NTRK2: variants seen among roughly 807,000 people sequenced by gnomAD.
The protein encoded by NTRK2 is neurotrophic receptor tyrosine kinase 2, also known as BDNF/NT-3 growth factors receptor.
In NTRK2, 13 loss-of-function variants were observed where a neutral mutation model predicts 94.5. The observed-to-expected ratio is 0.14, with a 90% CI of 0.09 to 0.22. The LOEUF is 0.22. NTRK2 is among the 10% of genes least tolerant of loss of function. The probability of loss-of-function intolerance (pLI) is 1.00; values close to 1 mark genes in which losing one functional copy is unlikely to be tolerated. For synonymous variants in NTRK2, 372 were observed against 407.4 expected (o/e 0.91, Z 1.05); for missense variants, 639 against 1,071.2 (o/e 0.60, Z 5.63).
At chr9:84,671,183 A>G (rs1463442422) in intron 2 of NTRK2, among the ~76,000 whole-genome samples, 1 of 152,190 alleles carries the variant, frequency 6.6e-6, no homozygotes, top group Admixed American at 6.5e-5. Context: ...ATATAGATAT[A>G]CATATGCCGA....
At chr9:84,973,294 G>T (rs1258270423) in intron 17 of NTRK2, among the ~76,000 whole-genome samples, 1 of 152,156 alleles carries the variant, frequency 6.6e-6, no homozygotes, top group African/African-American at 2.4e-5. Flanking sequence ...CCAGATGACT[G>T]CTTCACTATT....
In NTRK2 at chr9:84,870,126, TAC is replaced by T. The variant is rs1554757395; in HGVS notation, c.1633+2709_1633+2710del. On this transcript the variant is annotated intron_variant, in intron 14 of 18. Transcript: ENST00000277120. Reference sequence around the variant, plus strand: ...ATATATATATATATATATATATATATACACACACACACACATATATATACACA... The same window carrying T: ...ATATATATATATATATATATATATATACACACACACACATATATATACACA... Among the ~76,000 whole-genome samples, 655 of 95,626 alleles carry T rather than the reference TAC, an allele frequency of 6.8e-3. 14 individuals carry two copies. The highest frequency in any genetic ancestry group is 0.055 in the Admixed American group (491 of 8,896). The allele number at this position is 95,626 out of a possible 152,430, so 62.7% of individuals were successfully genotyped here.
At chr9:84,680,715 G>T (rs909441426) in intron 2 of NTRK2, among the ~76,000 whole-genome samples, 2 of 152,150 alleles carry the variant, frequency 1.3e-5, no homozygotes, top group African/African-American at 4.8e-5. Flanking sequence ...TTCAAAGCCA[G>T]ATCTTGGAAG....
At chr9:84,721,428 G>A (rs980818677) in intron 6 of NTRK2, among the ~76,000 whole-genome samples, 5 of 151,884 alleles carry the variant, frequency 3.3e-5, no homozygotes, top group South Asian at 2.1e-4. Context: ...CACCCACCTC[G>A]GCCTCCCAAA....
In NTRK2 at chr9:84,747,603, G is replaced by A. The variant is rs376132754; in HGVS notation, c.1296+2530G>A. 3.6e-4 allele frequency among the ~76,000 whole-genome samples: 53 copies of A among 148,752 alleles called. No homozygotes were observed. The East Asian group carries it at 4.1e-3, about 12-fold the overall frequency. On this transcript the variant is annotated intron_variant, in intron 11 of 18. Coordinates refer to ENST00000277120, the MANE Select transcript of NTRK2 (RefSeq NM_006180.6). ...TGCCATTCTCCTGCCTCAGCCTCCC[G>A]AGTAGCTGGGACTACAGCCACCTGC...
intron 10 of NTRK2, among the ~76,000 whole-genome samples, chr9:84,744,009 T>TGAA (rs2132353698): frequency 6.6e-6 from 1 of 152,222 alleles, no homozygotes; most frequent in East Asian, 1.9e-4. Flanking sequence ...ATGATGATTC[T>TGAA]ACCTGGAGAA....
chr9:84,749,676 A>G (rs1474393440), intron 11 of NTRK2, among the ~76,000 whole-genome samples: 1 of 152,226 alleles, frequency 6.6e-6, no homozygotes, highest in East Asian at 1.9e-4. Flanking sequence ...GCATTAACTC[A>G]TTGAGGATTT....
At chr9:84,887,481 A>G (rs889287736) in intron 14 of NTRK2, among the ~76,000 whole-genome samples, 1 of 152,254 alleles carries the variant, frequency 6.6e-6, no homozygotes, top group Admixed American at 6.5e-5. Context: ...CCTGCTCTCA[A>G]AGAAATTTTT....
chr9:84,676,863 C>T (rs756518413), intron 2 of NTRK2, among the ~76,000 whole-genome samples: 9 of 152,094 alleles, frequency 5.9e-5, no homozygotes, highest in Non-Finnish European at 8.8e-5. Flanking sequence ...CTGTGAGAGA[C>T]CAAGTAATTG....
At position 84,721,083 on chromosome 9, in the gene NTRK2, T is replaced by A. The variant is rs1025904841; in HGVS notation, c.584-2490T>A. On this transcript the variant is annotated intron_variant, in intron 6 of 18. Transcript: ENST00000277120. ...ATATAACGGTGTTGCAACCTGTAATTAATACCATTTTAAATTTGATGAAAT... is the reference window on the plus strand; with the variant it reads ...ATATAACGGTGTTGCAACCTGTAATAAATACCATTTTAAATTTGATGAAAT... 3.3e-5 allele frequency among the ~76,000 whole-genome samples: 5 copies of A among 152,234 alleles called. No homozygotes were observed. The East Asian group carries it at 9.6e-4, about 29-fold the overall frequency.
chr9:84,818,356 A>G (rs1161309076), intron 12 of NTRK2, among the ~76,000 whole-genome samples: 2 of 152,224 alleles, frequency 1.3e-5, no homozygotes, highest in Non-Finnish European at 2.9e-5. Flanking sequence ...GGTTCATGCA[A>G]GTGCCCAGTG....
intron 17 of NTRK2, among the ~76,000 whole-genome samples, chr9:84,984,912 T>C (rs1828115012): frequency 6.6e-6 from 1 of 152,232 alleles, no homozygotes. Context: ...AGAAATGTGT[T>C]ACAAAACTTT....
chr9:84,863,039 G>A (rs2075406092), intron 13 of NTRK2, among the ~76,000 whole-genome samples: 1 of 152,100 alleles, frequency 6.6e-6, no homozygotes, highest in Non-Finnish European at 1.5e-5. Context: ...ACCATCTGTA[G>A]GAACTGACTC....
At chr9:84,978,668 A>G (rs1827205121) in intron 17 of NTRK2, among the ~76,000 whole-genome samples, 1 of 152,202 alleles carries the variant, frequency 6.6e-6, no homozygotes, top group Non-Finnish European at 1.5e-5. Context: ...ATGTAGACAA[A>G]ACAGCCTTCT....
chr9:84,688,293 G>A (rs530924379), intron 2 of NTRK2, among the ~76,000 whole-genome samples: 2 of 152,160 alleles, frequency 1.3e-5, no homozygotes, highest in African/African-American at 2.4e-5. Context: ...CAGGCTGATC[G>A]GCCCTTTGCA....
At chr9:84,903,593 G>A (rs1587880187) in intron 14 of NTRK2, among the ~76,000 whole-genome samples, 1 of 152,150 alleles carries the variant, frequency 6.6e-6, no homozygotes, top group Admixed American at 6.5e-5. Flanking sequence ...GAGGTAGTGT[G>A]TTCTTGGAAG....
At chr9:85,006,233 G>C (rs1830938819) in intron 17 of NTRK2, among the ~76,000 whole-genome samples, 2 of 152,238 alleles carry the variant, frequency 1.3e-5, no homozygotes, top group African/African-American at 4.8e-5. Context: ...AGTTTGGCAA[G>C]AGGGAAGTTT....
intron 17 of NTRK2, among the ~76,000 whole-genome samples, chr9:84,965,790 A>G (rs1458619932): frequency 1.3e-5 from 2 of 152,206 alleles, no homozygotes; most frequent in African/African-American, 2.4e-5. Flanking sequence ...GTGGGTCTTC[A>G]GGATGAAAAT....
chr9:84,845,929 A>C (rs1253659375), intron 12 of NTRK2, among the ~76,000 whole-genome samples: 1 of 152,108 alleles, frequency 6.6e-6, no homozygotes, highest in Non-Finnish European at 1.5e-5. Context: ...AAAATTTGAA[A>C]AAAAAAAAAG....
Sources: allele counts gnomAD v4.1 joint callset (sites outside exome capture counted in the v4.1 genomes callset), GRCh38; gene constraint gnomAD v4.1.1; transcripts MANE v1.5; gene names NCBI Gene and HGNC (gene_info 2026-07-23, HGNC 2026-07-21).